Variants in GAA observed in about 807,000 individuals in gnomAD.
GAA encodes lysosomal alpha-glucosidase.
GAA carries 88 observed loss-of-function variants against 103.9 expected under a neutral mutation model. The ratio of observed to expected loss-of-function variants is 0.85; its 90% CI spans 0.71 to 1.01. The LOEUF (loss-of-function observed/expected upper bound fraction) is 1.01. GAA is among the 50% of genes least tolerant of loss of function. GAA has a pLI of 0.00. For synonymous variants in GAA, 572 were observed against 563.1 expected (o/e 1.02, Z -0.22); for missense variants, 1,350 against 1,305.3 (o/e 1.03, Z -0.53).
rs2039115783 is a variant in GAA, at chr17:80,107,573, G to T, written c.709G>T (p.Ala237Ser). Residue 237 changes from alanine (A) to serine (S), a missense_variant, in exon 4 of 20, where the codon GCG (alanine) becomes TCG (serine). Coordinates refer to ENST00000302262, the MANE Select transcript of GAA (RefSeq NM_000152.5). ...DGRVLLNTTV[A>S]PLFFADQFLQ... is the part of the protein sequence containing the mutation. Reference sequence around the variant, plus strand: ...GTCCCGCAGGCTGAACACGACGGTGGCGCCCCTGTTCTTTGCGGACCAGTT... The same window carrying T: ...GTCCCGCAGGCTGAACACGACGGTGTCGCCCCTGTTCTTTGCGGACCAGTT... 1.2e-6 allele frequency: 2 copies of T among 1,613,122 alleles called. No individual in the cohort carries two copies. Among genetic ancestry groups the T allele is most frequent in the Non-Finnish European group, 1.7e-6 (2 of 1,179,898 alleles).
At position 80,112,680 on chromosome 17, in the gene GAA, C is replaced by T. The variant is rs914396317; in HGVS notation, c.1857C>T (p.Ser619=). 6.2e-7 allele frequency: 1 copy of T among 1,611,198 alleles called. No homozygotes were observed. Among genetic ancestry groups the T allele is most frequent in the Admixed American group, 1.7e-5 (1 of 59,754 alleles). ...YAGHWTGDVW[S]SWEQLASSVP... ...GCCACTGGACGGGGGACGTGTGGAG[C>T]TCCTGGGAGCAGCTCGCCTCCTCCG... The change falls in exon 13 of 20, where the codon AGC becomes AGT. Residue 619 remains serine (S), a synonymous_variant. Coordinates refer to ENST00000302262, the MANE Select transcript of GAA (RefSeq NM_000152.5).
intron 1 of GAA, among the ~76,000 whole-genome samples, chr17:80,103,078 C>T (rs1273306387): frequency 1.3e-5 from 2 of 152,234 alleles, no homozygotes; most frequent in East Asian, 1.9e-4. Context: ...ACACCACGTC[C>T]GGCCGGGGGC....
At position 80,108,737 on chromosome 17, in the gene GAA, G is replaced by A. The variant is rs1048836059; in HGVS notation, c.1235G>A (p.Arg412Lys). The A allele has an allele frequency of 6.2e-7, 1 of 1,612,218 alleles. No individual in the cohort carries two copies. The highest frequency in any genetic ancestry group is 8.5e-7 in the Non-Finnish European group (1 of 1,179,734). ...GACCTGGACTACATGGACTCCCGGA[G>A]GGACTTCACGTTCAACAAGGATGGC... The part of the protein sequence containing the change: ...WNDLDYMDSR[R>K]DFTFNKDGFR... The change falls in exon 8 of 20, where the codon AGG becomes AAG. Residue 412 changes from arginine to lysine, a missense_variant. Transcript: ENST00000302262.
At chr17:80,111,423 C>T (rs1008502715) in intron 11 of GAA, among the ~76,000 whole-genome samples, 2 of 152,140 alleles carry the variant, frequency 1.3e-5, no homozygotes, top group Admixed American at 6.5e-5. Flanking sequence ...GCAGGAATTA[C>T]CAAGAAGAAG....
chr17:80,106,973 A>G (rs931162488), intron 3 of GAA, among the ~76,000 whole-genome samples: 7 of 152,118 alleles, frequency 4.6e-5, no homozygotes, highest in African/African-American at 1.7e-4. Context: ...CACTCAGCGT[A>G]GTCTTGCCCA....
At chr17:80,117,518 G>C in intron 16 of GAA, 82 bp from the exon 17 acceptor site, 1 of 1,526,904 alleles carries the variant, frequency 6.5e-7, no homozygotes, top group Non-Finnish European at 9.1e-7. Flanking sequence ...GTGGAGCCCC[G>C]GGAGATGGAG....
At position 80,108,501 on chromosome 17, in the gene GAA, T is replaced by G. The variant is rs748257398; in HGVS notation, c.1088T>G (p.Met363Arg). ...CGTTGGCCTGCAGGATACCCGTTCATGCCGCCATACTGGGGCCTGGGCTTC... is the reference window on the plus strand; with the variant it reads ...CGTTGGCCTGCAGGATACCCGTTCAGGCCGCCATACTGGGGCCTGGGCTTC... ...QYLDVVGYPF[M>R]PPYWGLGFHL... is the part of the protein sequence containing the mutation. The change falls in exon 7 of 20, where the codon ATG becomes AGG. Residue 363 changes from methionine to arginine, a missense_variant. Met to Arg is a moderately conservative substitution (Grantham distance 91). Transcript: ENST00000302262. 2 of 1,613,112 alleles carry G rather than the reference T, an allele frequency of 1.2e-6. No individual in the cohort carries two copies.
intron 3 of GAA, 51 bp from the exon 4 acceptor site, chr17:80,107,506 C>T (rs2039113856): frequency 6.2e-7 from 1 of 1,611,500 alleles, no homozygotes; most frequent in Non-Finnish European, 8.5e-7. Context: ...TGCTCTCAGG[C>T]TCGTGTGGCC....
At chr17:80,112,789 C>G in intron 13 of GAA, 78 bp downstream of exon 13, 1 of 1,575,886 alleles carries the variant, frequency 6.3e-7, no homozygotes, top group East Asian at 2.3e-5. Context: ...GGCCCCCCAC[C>G]CACTTAGCAG....
Position 80,111,979 on chromosome 17 carries a change from C to T in GAA, c.1637-4C>T, listed in dbSNP as rs766207713. ...CCCTGGAAACCAGCCCCCGCCTCTT[C>T]CAGGGGTGGTTGGGGGGACCCTCCA... On this transcript the variant is annotated splice_region_variant and splice_polypyrimidine_tract_variant and intron_variant, in intron 11 of 19. Coordinates refer to ENST00000302262, the MANE Select transcript of GAA (RefSeq NM_000152.5). 2 of 1,612,712 alleles carry T rather than the reference C, an allele frequency of 1.2e-6. No individual in the cohort carries two copies. Among genetic ancestry groups the T allele is most frequent in the Non-Finnish European group, 8.5e-7 (1 of 1,179,344 alleles).
rs1800309 is a variant in GAA, at chr17:80,113,242, G to C, written c.2065G>C (p.Glu689Gln). 2 of 1,601,390 alleles carry C rather than the reference G, an allele frequency of 1.2e-6. No individual in the cohort carries two copies. Among genetic ancestry groups the C allele is most frequent in the Admixed American group, 3.4e-5 (2 of 58,508 alleles). ...SLPQEPYSFS[E>Q]PAQQAMRKAL... ...GCCCCAGGAGCCGTACAGCTTCAGCGAGCCGGCCCAGCAGGCCATGAGGAA... is the reference window on the plus strand; with the variant it reads ...GCCCCAGGAGCCGTACAGCTTCAGCCAGCCGGCCCAGCAGGCCATGAGGAA... The change falls in exon 15 of 20, where the codon GAG becomes CAG. Residue 689 changes from glutamate (E) to glutamine (Q), a missense_variant. By Grantham distance (29) the Glu-to-Gln change is conservative (BLOSUM62 2). Coordinates refer to ENST00000302262, the MANE Select transcript of GAA (RefSeq NM_000152.5).
At chr17:80,116,279 A>G (rs1303405611) in intron 15 of GAA, among the ~76,000 whole-genome samples, 2 of 152,246 alleles carry the variant, frequency 1.3e-5, no homozygotes, top group African/African-American at 2.4e-5. Flanking sequence ...GTGGAAAGCA[A>G]CAGTACATAT....
In GAA at chr17:80,104,800, C is replaced by A. The variant is rs923068950; in HGVS notation, c.214C>A (p.Pro72Thr). ...AGGGCCCCGGGATGCCCAGGCACACCCCGGCCGTCCCAGAGCAGTGCCCAC... is the reference window on the plus strand; with the variant it reads ...AGGGCCCCGGGATGCCCAGGCACACACCGGCCGTCCCAGAGCAGTGCCCAC... ...RPGPRDAQAH[P>T]GRPRAVPTQC... The change falls in exon 2 of 20, where the codon CCC becomes ACC. Residue 72 changes from proline (P) to threonine (T), a missense_variant. Transcript: ENST00000302262. This position sits in a 1 kb window ranked among gnomAD's most constrained non-coding sequence, Gnocchi z 4.0. The A allele has an allele frequency of 1.2e-6, 2 of 1,611,856 alleles. No homozygotes were observed. The highest frequency in any genetic ancestry group is 2.7e-5 in the African/African-American group (2 of 74,904).
chr17:80,117,897 A>G (rs1188218029), intron 17 of GAA, 148 bp downstream of exon 17: 24 of 873,032 alleles, frequency 2.7e-5, no homozygotes, highest in Non-Finnish European at 3.9e-5. Context: ...CAGCCAGGCC[A>G]GTGAGGTGGG....
intron 13 of GAA, 36 bp from the exon 14 acceptor site, chr17:80,112,840 A>G: frequency 6.3e-7 from 1 of 1,597,056 alleles, no homozygotes; most frequent in South Asian, 1.1e-5. Context: ...GCTCTGCTGC[A>G]GCAGCCTGAG....
chr17:80,118,919 C>CCA, intron 19 of GAA, 114 bp downstream of exon 19: 1 of 1,314,426 alleles, frequency 7.6e-7, no homozygotes, highest in Non-Finnish European at 1.1e-6. Flanking sequence ...TGGGACCTCC[C>CCA]AAGGGGGTCT....
chr17:80,111,543 C>T (rs2039237825), intron 11 of GAA, among the ~76,000 whole-genome samples: 2 of 152,134 alleles, frequency 1.3e-5, no homozygotes, highest in African/African-American at 2.4e-5. Context: ...GGGCTTCTCG[C>T]CAAACTGTCT....
intron 18 of GAA, 85 bp from the exon 19 acceptor site, chr17:80,118,568 C>A: frequency 6.6e-7 from 1 of 1,509,998 alleles, no homozygotes; most frequent in South Asian, 1.1e-5. Context: ...CATCATGAGT[C>A]CCTGTTCTCA....
In GAA at chr17:80,101,874, A is replaced by G. The variant is rs1598564640; in HGVS notation, c.-49A>G. On this transcript the variant is annotated 5_prime_UTR_variant, in exon 1 of 20. Transcript: ENST00000302262. ...TGCGCGTGCCGCAGCTGACGGGGAA[A>G]CTGAGGCACGGAGCGGGTGAGACAC... 6.6e-6 allele frequency: 1 copy of G among 152,220 alleles called. No individual in the cohort carries two copies. The highest frequency in any genetic ancestry group is 1.5e-5 in the Non-Finnish European group (1 of 68,064). 9.4% of individuals were successfully genotyped at this position (152,220 alleles called of 1,614,324 possible). A position where few individuals can be genotyped will look rare whatever the true frequency, so the allele number is the denominator to read the frequency against.
Sources: allele counts gnomAD v4.1 joint callset (sites outside exome capture counted in the v4.1 genomes callset), GRCh38; gene constraint gnomAD v4.1.1; non-coding constraint Gnocchi (gnomAD v3.1); transcripts MANE v1.5; gene names NCBI Gene and HGNC (gene_info 2026-07-23, HGNC 2026-07-21).